Variants in CREB1 observed in about 807,000 individuals in gnomAD.
CREB1 encodes the protein cAMP responsive element binding protein 1, also known as cyclic AMP-responsive element-binding protein 1.
In CREB1, 2 loss-of-function variants were observed where a neutral mutation model predicts 42.0. The ratio of observed to expected loss-of-function variants is 0.05; its 90% CI spans 0.02 to 0.15. The LOEUF (loss-of-function observed/expected upper bound fraction) is 0.15, where lower values mean the gene tolerates loss of function less well. CREB1 is among the 10% of genes least tolerant of loss of function. The pLI is 1.00. For missense variants in CREB1, 199 were observed against 388.9 expected (o/e 0.51, Z 4.11); for synonymous variants, 123 against 139.9 (o/e 0.88, Z 0.85).
chr2:207,587,356 G>A (rs1007636737), intron 7 of CREB1, among the ~76,000 whole-genome samples: 1 of 148,392 alleles, frequency 6.7e-6, no homozygotes, highest in African/African-American at 2.5e-5. Flanking sequence ...TCGCACCACC[G>A]CACTACAGCC....
chr2:207,576,526 G>T, intron 6 of CREB1: 1 of 309,592 alleles, frequency 3.2e-6, no homozygotes. Flanking sequence ...CTTATTTAAA[G>T]AGCCCTAATG....
At chr2:207,564,772 A>T (rs1326346661) in intron 3 of CREB1, among the ~76,000 whole-genome samples, 1 of 152,186 alleles carries the variant, frequency 6.6e-6, no homozygotes, top group Non-Finnish European at 1.5e-5. Flanking sequence ...CTAAAACTTT[A>T]TATCTACAAG....
At chr2:207,571,686 T>C (rs1396386936) in intron 5 of CREB1, 12 of 451,428 alleles carry the variant, frequency 2.7e-5, no homozygotes, top group East Asian at 2.1e-4. Flanking sequence ...ATTCAAGATA[T>C]GTGTTCGAAG....
Position 207,602,384 on chromosome 2 carries a change from AT to A in CREB1, c.*5331del. 1 of 202,424 alleles carries A rather than the reference AT, an allele frequency of 4.9e-6. No homozygotes were observed. Among genetic ancestry groups the A allele is most frequent in the Admixed American group, 6.0e-5 (1 of 16,712 alleles). The allele number at this position is 202,424 out of a possible 1,614,324, so 12.5% of individuals were successfully genotyped here. ...GTCCCAGCTGGGTATGACATGATAC[AT>A]TTTTAATTATTCTCACCAGCAAGTA... On this transcript the variant is annotated 3_prime_UTR_variant, in exon 8 of 8. Transcript: ENST00000353267.
At chr2:207,539,915 A>G (rs911004266) in intron 1 of CREB1, among the ~76,000 whole-genome samples, 1 of 152,218 alleles carries the variant, frequency 6.6e-6, no homozygotes, top group Non-Finnish European at 1.5e-5. Context: ...TAGATTATAG[A>G]TCTACATTTT....
chr2:207,577,524 A>G lies in CREB1; in HGVS notation c.708A>G (p.Gln236=), dbSNP rs74338269. The part of the protein sequence containing the change: ...VVVQAASGDV[Q]TYQIRTAPTS... The stretch of plus-strand genomic sequence containing the variant: ...TTTCAGCTGCCTCTGGAGACGTACA[A>G]ACATACCAGATTCGCACAGCACCCA... The change falls in exon 7 of 8, where the codon CAA becomes CAG. Residue 236 remains glutamine, a synonymous_variant. Transcript: ENST00000353267. The G allele has an allele frequency of 1.9e-5, 30 of 1,613,992 alleles. No homozygotes were observed. In the East Asian group the frequency reaches 5.8e-4, roughly 31 times the overall value.
chr2:207,570,830 A>G (rs1025127546), intron 5 of CREB1, among the ~76,000 whole-genome samples: 8 of 152,156 alleles, frequency 5.3e-5, no homozygotes, highest in Non-Finnish European at 1.0e-4. Flanking sequence ...AGATAGTAAT[A>G]TACTTTTTGG....
chr2:207,536,280 C>T (rs1333692178), intron 1 of CREB1, among the ~76,000 whole-genome samples: 1 of 151,936 alleles, frequency 6.6e-6, no homozygotes, highest in Non-Finnish European at 1.5e-5. Context: ...GGGCCAGTCG[C>T]GGTGGCTGAC....
At chr2:207,552,106 G>A (rs1022267154) in intron 1 of CREB1, among the ~76,000 whole-genome samples, 1 of 150,410 alleles carries the variant, frequency 6.6e-6, no homozygotes, top group Non-Finnish European at 1.5e-5. Context: ...GGATTGGTAG[G>A]CTGCTTGAAT....
At chr2:207,578,270 C>G (rs964283168) in intron 7 of CREB1, among the ~76,000 whole-genome samples, 1 of 152,042 alleles carries the variant, frequency 6.6e-6, no homozygotes, top group Non-Finnish European at 1.5e-5. Context: ...AACTTTATTG[C>G]TGTAAATGAT....
At position 207,601,264 on chromosome 2, in the gene CREB1, T is replaced by G. The variant is rs1227154732; in HGVS notation, c.*4206T>G. ...ATGTTTGGTGTAACTTGCACTTTTT[T>G]AAATGACCCAGTTTGGGTATTAGCA... On this transcript the variant is annotated 3_prime_UTR_variant, in exon 8 of 8. Transcript: ENST00000353267. The G allele has an allele frequency of 5.4e-6, 1 of 185,554 alleles. No individual in the cohort carries two copies. Among genetic ancestry groups the G allele is most frequent in the Non-Finnish European group, 1.1e-5 (1 of 87,658 alleles). The allele number at this position is 185,554 out of a possible 1,614,324, so 11.5% of individuals were successfully genotyped here. A position where few individuals can be genotyped will look rare whatever the true frequency, so the allele number is the denominator to read the frequency against.
intron 7 of CREB1, among the ~76,000 whole-genome samples, chr2:207,579,194 T>C (rs1198122827): frequency 6.6e-6 from 1 of 152,098 alleles, no homozygotes; most frequent in Non-Finnish European, 1.5e-5. Flanking sequence ...TTTTAAAATA[T>C]AAATTAAAAT....
chr2:207,537,671 A>G (rs2080927799), intron 1 of CREB1, among the ~76,000 whole-genome samples: 1 of 152,220 alleles, frequency 6.6e-6, no homozygotes, highest in Non-Finnish European at 1.5e-5. Flanking sequence ...GGTTTTTGAG[A>G]CAAAACTTAA....
chr2:207,562,048 T>C (rs569855197), intron 3 of CREB1, among the ~76,000 whole-genome samples: 5 of 152,314 alleles, frequency 3.3e-5, no homozygotes, highest in Admixed American at 1.3e-4. Context: ...CATGTAAAGA[T>C]CTAAGAACTT....
At chr2:207,582,918 AAT>A (rs1553505581) in intron 7 of CREB1, 8 of 258,198 alleles carry the variant, frequency 3.1e-5, no homozygotes, top group Middle Eastern at 6.2e-4. Context: ...AACAAAAAAA[AAT>A]ATATATATAT....
intron 7 of CREB1, among the ~76,000 whole-genome samples, chr2:207,588,053 C>G (rs1193934177): frequency 6.6e-6 from 1 of 152,116 alleles, no homozygotes; most frequent in African/African-American, 2.4e-5. Context: ...ATTACTGCAT[C>G]TCATAAATGT....
rs138348185 is a variant in CREB1, at chr2:207,604,464, T to C, written c.*7406T>C. 1.3e-4 allele frequency among the ~76,000 whole-genome samples: 17 copies of C among 129,150 alleles called. No individual in the cohort carries two copies. Among genetic ancestry groups the C allele is most frequent in the African/African-American group, 4.7e-4 (16 of 33,914 alleles). 84.7% of individuals were successfully genotyped at this position (129,150 alleles called of 152,430 possible). A position where few individuals can be genotyped will look rare whatever the true frequency, so the allele number is the denominator to read the frequency against. ...CCTTAATCAGTGTTATCCTTCTTCT[T>C]AACTGTGCGTCCTAATTTCTCCACA... On this transcript the variant is annotated 3_prime_UTR_variant, in exon 8 of 8. Transcript: ENST00000353267.
In CREB1 at chr2:207,599,862, A is replaced by C. The variant is rs188447438; in HGVS notation, c.*2804A>C. On this transcript the variant is annotated 3_prime_UTR_variant, in exon 8 of 8. Coordinates refer to ENST00000353267, the MANE Select transcript of CREB1 (RefSeq NM_004379.5). The stretch of plus-strand genomic sequence containing the variant: ...CTTTATATTGGCCAAAAGGGAATAA[A>C]AATGTCATCATAGGAATTTGTACAT... 2.4e-4 allele frequency: 46 copies of C among 195,512 alleles called. No individual in the cohort carries two copies. Among genetic ancestry groups the C allele is most frequent in the African/African-American group, 1.0e-3 (44 of 43,368 alleles). The allele number at this position is 195,512 out of a possible 1,614,324, so 12.1% of individuals were successfully genotyped here.
At chr2:207,537,553 T>C (rs1014788746) in intron 1 of CREB1, among the ~76,000 whole-genome samples, 2 of 152,232 alleles carry the variant, frequency 1.3e-5, no homozygotes, top group Non-Finnish European at 2.9e-5. Context: ...TTGTTTTTTC[T>C]CTGCCAATTA....
Sources: allele counts gnomAD v4.1 joint callset (sites outside exome capture counted in the v4.1 genomes callset), GRCh38; gene constraint gnomAD v4.1.1; transcripts MANE v1.5; gene names NCBI Gene and HGNC (gene_info 2026-07-23, HGNC 2026-07-21).